RALYL: variants seen among roughly 807,000 people sequenced by gnomAD.
The protein encoded by RALYL is RNA-binding Raly-like protein.
RALYL carries 29 observed loss-of-function variants against 35.1 expected under a neutral mutation model. The ratio of observed to expected loss-of-function variants is 0.83; its 90% confidence interval spans 0.61 to 1.13. The LOEUF is 1.13. Ranked by LOEUF, RALYL falls within the 50% of genes most tolerant of loss-of-function variation. The pLI, the probability that RALYL is intolerant of heterozygous loss-of-function variation, is 0.00. For missense variants in RALYL, 359 were observed against 360.4 expected (o/e 1.00, Z 0.03); for synonymous variants, 120 against 127.6 (o/e 0.94, Z 0.40).
At chr8:84,230,397 A>G (rs1238772728) in intron 1 of RALYL, among the ~76,000 whole-genome samples, 4 of 152,158 alleles carry the variant, frequency 2.6e-5, no homozygotes, top group Admixed American at 6.6e-5. Flanking sequence ...GTTAATATGG[A>G]TGACAAAAAT....
At chr8:84,751,941 G>A (rs574327241) in intron 2 of RALYL, among the ~76,000 whole-genome samples, 1 of 152,286 alleles carries the variant, frequency 6.6e-6, no homozygotes, top group South Asian at 2.1e-4. Context: ...ACTGAGAAGT[G>A]GGGCATTGCT....
At chr8:84,638,867 CATAAATATATATAT>C (rs1189192658) in intron 2 of RALYL, among the ~76,000 whole-genome samples, 1,907 of 102,032 alleles carry the variant, frequency 0.019, 66 homozygotes, top group Middle Eastern at 0.035. Flanking sequence ...CTAATGCACG[CATAAATATATATAT>C]ATATATATAT....
At chr8:84,228,797 A>G (rs893612948) in intron 1 of RALYL, among the ~76,000 whole-genome samples, 1 of 152,160 alleles carries the variant, frequency 6.6e-6, no homozygotes, top group Non-Finnish European at 1.5e-5. Context: ...ACAGGGTGGC[A>G]GGAGAGAGAA....
chr8:84,266,166 T>G (rs772767027), intron 1 of RALYL, among the ~76,000 whole-genome samples: 4 of 152,162 alleles, frequency 2.6e-5, no homozygotes, highest in African/African-American at 7.2e-5. Flanking sequence ...CCTAGCCAAC[T>G]TGGCTCCTTC....
chr8:84,419,915 TG>T (rs1295886995), intron 1 of RALYL, among the ~76,000 whole-genome samples: 11 of 151,794 alleles, frequency 7.2e-5, no homozygotes, highest in Non-Finnish European at 1.6e-4. Flanking sequence ...ATGTTGTATA[TG>T]TGCCACATTT....
chr8:84,553,056 T>C (rs2060858002), intron 2 of RALYL, among the ~76,000 whole-genome samples: 1 of 152,180 alleles, frequency 6.6e-6, no homozygotes, highest in Non-Finnish European at 1.5e-5. Flanking sequence ...TACTTAAATA[T>C]TGTAAGTTTA....
Position 84,429,666 on chromosome 8 carries a change from G to A in RALYL, c.-23-99633G>A, listed in dbSNP as rs764142621. ...CCTCCCAAACTTTCATGTTAATAGA[G>A]TGACTGTCACACTGTAAGCATTCAA... On this transcript the variant is annotated intron_variant, in intron 1 of 8. Coordinates refer to ENST00000521268, the MANE Select transcript of RALYL (RefSeq NM_173848.7). Among the ~76,000 whole-genome samples the A allele has an allele frequency of 7.9e-4, 120 of 152,002 alleles. 1 individual carries two copies. The highest frequency in any genetic ancestry group is 1.4e-3 in the Non-Finnish European group (92 of 67,984).
intron 1 of RALYL, among the ~76,000 whole-genome samples, chr8:84,403,530 T>TG (rs1466210896): frequency 2.3e-5 from 3 of 129,630 alleles, no homozygotes; most frequent in Admixed American, 7.5e-5. Context: ...CTCTGTTTTT[T>TG]TTTTTTTTTT....
intron 2 of RALYL, among the ~76,000 whole-genome samples, chr8:84,641,911 T>G (rs1826429620): frequency 6.6e-6 from 1 of 152,044 alleles, no homozygotes; most frequent in African/African-American, 2.4e-5. Context: ...TAAAACTTAT[T>G]TATCCAGACA....
chr8:84,300,442 T>C (rs967427491), intron 1 of RALYL, among the ~76,000 whole-genome samples: 3 of 152,038 alleles, frequency 2.0e-5, no homozygotes, highest in African/African-American at 7.2e-5. Flanking sequence ...GTTTTATAGA[T>C]TTCTGTTAGG....
intron 2 of RALYL, among the ~76,000 whole-genome samples, chr8:84,680,565 A>G (rs1457461793): frequency 6.6e-6 from 1 of 152,026 alleles, no homozygotes; most frequent in South Asian, 2.1e-4. Flanking sequence ...ATGGTATCTC[A>G]TTGTGGTTTT....
intron 2 of RALYL, among the ~76,000 whole-genome samples, chr8:84,538,510 T>C (rs916248077): frequency 6.6e-6 from 1 of 152,166 alleles, no homozygotes; most frequent in Non-Finnish European, 1.5e-5. Flanking sequence ...ATTTGTTGTT[T>C]TAGATGCTTG....
intron 1 of RALYL, among the ~76,000 whole-genome samples, chr8:84,377,705 C>A (rs1411735272): frequency 1.3e-5 from 2 of 151,600 alleles, no homozygotes; most frequent in Non-Finnish European, 2.9e-5. Flanking sequence ...ACACCCCATG[C>A]ATCTTAGGAA....
chr8:84,446,489 A>G (rs184005733), intron 1 of RALYL, among the ~76,000 whole-genome samples: 9 of 152,226 alleles, frequency 5.9e-5, no homozygotes, highest in Non-Finnish European at 1.0e-4. Context: ...CCTGGATTTA[A>G]TCTTTGCTGT....
chr8:84,532,962 T>C (rs906356948), intron 2 of RALYL, among the ~76,000 whole-genome samples: 1 of 152,084 alleles, frequency 6.6e-6, no homozygotes. Flanking sequence ...TGATATATAA[T>C]AGAAGACTGC....
intron 1 of RALYL, among the ~76,000 whole-genome samples, chr8:84,405,874 C>T (rs2043430642): frequency 7.4e-6 from 1 of 136,032 alleles, no homozygotes; most frequent in South Asian, 2.3e-4. Context: ...CACCCAGGCT[C>T]AGTGGCACGA....
chr8:84,378,113 C>T (rs1467247618), intron 1 of RALYL, among the ~76,000 whole-genome samples: 1 of 151,926 alleles, frequency 6.6e-6, no homozygotes, highest in Non-Finnish European at 1.5e-5. Context: ...TAAACAACTA[C>T]AATCAAAAAC....
chr8:84,757,309 A>G (rs1042808008), intron 2 of RALYL, among the ~76,000 whole-genome samples: 16 of 152,140 alleles, frequency 1.1e-4, no homozygotes, highest in Non-Finnish European at 1.8e-4. Context: ...TTTAGCTTCA[A>G]AAGGTAAAAA....
At chr8:84,330,313 T>C (rs1846577893) in intron 1 of RALYL, among the ~76,000 whole-genome samples, 1 of 151,972 alleles carries the variant, frequency 6.6e-6, no homozygotes, top group Non-Finnish European at 1.5e-5. Flanking sequence ...TGAAGGAGTG[T>C]TTGACAATAT....
Sources: gnomAD v4.1 joint callset for allele counts (sites outside exome capture counted in the v4.1 genomes callset) on GRCh38, gnomAD v4.1.1 for gene constraint, MANE v1.5 for transcripts, NCBI Gene and HGNC (gene_info 2026-07-23, HGNC 2026-07-21) for gene names.